SPINK6: variants seen among roughly 807,000 people sequenced by gnomAD.
SPINK6 encodes serine protease inhibitor Kazal-type 6.
In SPINK6, 13 loss-of-function variants were observed where a neutral mutation model predicts 11.7. The ratio of observed to expected loss-of-function variants is 1.11; its 90% CI spans 0.72 to 1.76. The LOEUF (loss-of-function observed/expected upper bound fraction) is 1.76, where lower values mean the gene tolerates loss of function less well. Among genes scored for constraint, SPINK6 ranks in the 40% most tolerant of loss-of-function variants. The pLI, the probability that SPINK6 is intolerant of heterozygous loss-of-function variation, is 0.00. For synonymous variants in SPINK6, 21 were observed against 31.9 expected (o/e 0.66, Z 1.15); for missense variants, 98 against 93.7 (o/e 1.05, Z -0.19).
At chr5:148,210,062 A>G (rs1465174103) in intron 2 of SPINK6, among the ~76,000 whole-genome samples, 6 of 84,916 alleles carry the variant, frequency 7.1e-5, no homozygotes, top group South Asian at 4.2e-4. Flanking sequence ...ATGTATGTAT[A>G]TGTATGTATG....
chr5:148,212,502 T>TATATATTTTATATATATAAAGC (rs1755612808), intron 2 of SPINK6, among the ~76,000 whole-genome samples: 1 of 126,568 alleles, frequency 7.9e-6, no homozygotes. Flanking sequence ...ATATATAAAG[T>TATATATTTTATATATATAAAGC]ATATATTTTA....
At chr5:148,212,592 TTATATAA>T (rs1405270850) in intron 2 of SPINK6, among the ~76,000 whole-genome samples, 17 of 105,806 alleles carry the variant, frequency 1.6e-4, no homozygotes, top group Non-Finnish European at 2.7e-4. Flanking sequence ...TAAATATATT[TTATATAA>T]TATATAATAT....
intron 1 of SPINK6, 127 bp from the exon 2 acceptor site, chr5:148,205,909 A>G (rs1459168564): frequency 2.0e-6 from 2 of 1,022,918 alleles, no homozygotes; most frequent in African/African-American, 3.3e-5. Context: ...AACAAACAAA[A>G]AAAATACGAT....
Position 148,209,972 on chromosome 5 carries a change from G to A in SPINK6, c.81+3914G>A, listed in dbSNP as rs1045917736. 1.8e-4 allele frequency among the ~76,000 whole-genome samples: 25 copies of A among 141,156 alleles called. No homozygotes were observed. The East Asian group carries it at 6.5e-3, about 37-fold the overall frequency. 92.6% of individuals were successfully genotyped at this position (141,156 alleles called of 152,430 possible). ...TTCATATATATGTATACATACATAC[G>A]TACGTATGTATGTATACATATACAC... On this transcript the variant is annotated intron_variant, in intron 2 of 3. Transcript: ENST00000325630.
chr5:148,212,620 T>A (rs1318989235), intron 2 of SPINK6, among the ~76,000 whole-genome samples: 1 of 100,498 alleles, frequency 1.0e-5, no homozygotes, highest in Admixed American at 1.4e-4. Context: ...ATATTTATAT[T>A]ATATATTATA....
intron 2 of SPINK6, among the ~76,000 whole-genome samples, chr5:148,212,286 A>G (rs1284670112): frequency 6.6e-6 from 1 of 151,252 alleles, no homozygotes; most frequent in African/African-American, 2.4e-5. Flanking sequence ...TTAGGCAGCC[A>G]TTACTAAATG....
At chr5:148,213,081 A>G (rs1325376523) in intron 2 of SPINK6, among the ~76,000 whole-genome samples, 2 of 151,456 alleles carry the variant, frequency 1.3e-5, no homozygotes, top group African/African-American at 4.8e-5. Context: ...TTATGTGTAT[A>G]TACATAAACA....
upstream of SPINK6, chr5:148,202,984 A>C: frequency 1.4e-6 from 1 of 698,584 alleles, no homozygotes; most frequent in East Asian, 2.8e-5. Context: ...TAAATGCATA[A>C]ACTGCATAGG....
rs1554112271 is a variant in SPINK6 at position 148,210,007 on chromosome 5, C to CATACACACGTACGT, written c.82-3901_82-3900insACACACGTACGTAT. ...ATGTATACATATACACGTATGTATA[C>CATACACACGTACGT]ATGTATGTACGCATGTACGCATGCA... On this transcript the variant is annotated intron_variant, in intron 2 of 3. Transcript: ENST00000325630. Among the ~76,000 whole-genome samples the CATACACACGTACGT allele has an allele frequency of 5.7e-4, 60 of 105,732 alleles. 17 individuals are homozygous for CATACACACGTACGT. Among genetic ancestry groups the CATACACACGTACGT allele is most frequent in the South Asian group, 3.6e-3 (12 of 3,326 alleles). 69.4% of individuals were successfully genotyped at this position (105,732 alleles called of 152,430 possible). A position where few individuals can be genotyped will look rare whatever the true frequency, so the allele number is the denominator to read the frequency against.
At chr5:148,214,859 A>G in intron 3 of SPINK6, 46 bp from the exon 4 acceptor site, 1 of 1,466,560 alleles carries the variant, frequency 6.8e-7, no homozygotes, top group Non-Finnish European at 9.5e-7. Context: ...TATGGTGAGT[A>G]CTTACGATAT....
At chr5:148,212,589 AT>A (rs1177195916) in intron 2 of SPINK6, among the ~76,000 whole-genome samples, 24 of 101,094 alleles carry the variant, frequency 2.4e-4, no homozygotes, top group African/African-American at 1.0e-3. Context: ...ATATAAATAT[AT>A]TTTATATAAT....
At position 148,209,997 on chromosome 5, in the gene SPINK6, C is replaced by CGCGTACGTAT. The variant is rs1755555734; in HGVS notation, c.82-3912_82-3911insCGTACGTATG. On this transcript the variant is annotated intron_variant, in intron 2 of 3. Coordinates refer to ENST00000325630, the MANE Select transcript of SPINK6 (RefSeq NM_205841.4). The stretch of plus-strand genomic sequence containing the variant: ...GTACGTATGTATGTATACATATACA[C>CGCGTACGTAT]GTATGTATACATGTATGTACGCATG... Among the ~76,000 whole-genome samples the CGCGTACGTAT allele has an allele frequency of 5.3e-4, 78 of 145,992 alleles. 14 individuals are homozygous for CGCGTACGTAT. The South Asian group carries it at 0.013, about 24-fold the overall frequency.
rs180865300 is a variant in SPINK6, at chr5:148,214,096, C to T, written c.197+71C>T. 2.5e-5 allele frequency: 24 copies of T among 948,386 alleles called. No individual in the cohort carries two copies. In the East Asian group the frequency reaches 4.2e-4, roughly 17 times the overall value. The allele number at this position is 948,386 out of a possible 1,614,324, so 58.7% of individuals were successfully genotyped here. A position where few individuals can be genotyped will look rare whatever the true frequency, so the allele number is the denominator to read the frequency against. ...CCATAATAAGACTAAGACACTTTTT[C>T]GAGGTATTATAGAAAACACCCATAC... is the stretch of plus-strand genomic sequence containing the variant. On this transcript the variant is annotated intron_variant, in intron 3 of 3. Coordinates refer to ENST00000325630, the MANE Select transcript of SPINK6 (RefSeq NM_205841.4).
At position 148,203,275 on chromosome 5, in the gene SPINK6, C is replaced by A. The variant is rs1034077911; in HGVS notation, c.58+121C>A. The stretch of plus-strand genomic sequence containing the variant: ...TAAAAGACCAATTCTGAGAGATTAT[C>A]ATAATGATGATAATGATTGTGATGA... On this transcript the variant is annotated intron_variant, in intron 1 of 3. Transcript: ENST00000325630. The A allele has an allele frequency of 8.3e-5, 57 of 688,784 alleles. No homozygotes were observed. In the Admixed American group the frequency reaches 1.0e-3, roughly 13 times the overall value. The allele number at this position is 688,784 out of a possible 1,614,324, so 42.7% of individuals were successfully genotyped here. A position where few individuals can be genotyped will look rare whatever the true frequency, so the allele number is the denominator to read the frequency against.
At chr5:148,209,786 T>C (rs1297748956) in intron 2 of SPINK6, among the ~76,000 whole-genome samples, 2 of 151,898 alleles carry the variant, frequency 1.3e-5, no homozygotes, top group Non-Finnish European at 2.9e-5. Context: ...AATGGCAATG[T>C]TTCCATCTGA....
chr5:148,205,155 A>T (rs1462171669), intron 1 of SPINK6, among the ~76,000 whole-genome samples: 1 of 152,128 alleles, frequency 6.6e-6, no homozygotes, highest in African/African-American at 2.4e-5. Context: ...GCTTTAAGGA[A>T]TTTCCGGTTG....
intron 2 of SPINK6, among the ~76,000 whole-genome samples, chr5:148,207,914 C>T (rs1307830390): frequency 6.6e-6 from 1 of 152,044 alleles, no homozygotes; most frequent in East Asian, 1.9e-4. Context: ...TATACAGATC[C>T]CCAGGCATCA....
chr5:148,205,010 A>G (rs1279121370), intron 1 of SPINK6, among the ~76,000 whole-genome samples: 2 of 152,206 alleles, frequency 1.3e-5, no homozygotes, highest in Non-Finnish European at 2.9e-5. Context: ...AGAATTTGTC[A>G]TTTTAATAAT....
chr5:148,213,363 AT>A (rs957009572), intron 2 of SPINK6, among the ~76,000 whole-genome samples: 67 of 150,816 alleles, frequency 4.4e-4, no homozygotes, highest in Non-Finnish European at 6.1e-4. Context: ...CACCCGGCTA[AT>A]TTTTTTTTGT....
Sources: gnomAD v4.1 joint callset for allele counts (sites outside exome capture counted in the v4.1 genomes callset) on GRCh38, gnomAD v4.1.1 for gene constraint, MANE v1.5 for transcripts, NCBI Gene and HGNC (gene_info 2026-07-23, HGNC 2026-07-21) for gene names.